The following PACRGL variants were observed in gnomAD, a reference collection of about 807,000 sequenced individuals.
The protein encoded by PACRGL is PACRG-like protein.
A neutral mutation model predicts 34.5 loss-of-function variants in PACRGL; 38 were observed. The observed-to-expected ratio is 1.10, with a 90% CI of 0.85 to 1.44. The LOEUF is 1.44. Ranked by LOEUF, PACRGL falls within the 40% of genes most tolerant of loss-of-function variation. The probability of loss-of-function intolerance (pLI) is 0.00; values close to 1 mark genes in which losing one functional copy is unlikely to be tolerated. For missense variants in PACRGL, 305 were observed against 281.4 expected (o/e 1.08, Z -0.60); for synonymous variants, 128 against 100.1 (o/e 1.28, Z -1.66).
intron 8 of PACRGL, among the ~76,000 whole-genome samples, chr4:20,746,739 G>A (rs993400871): frequency 3.3e-5 from 5 of 152,224 alleles, no homozygotes; most frequent in African/African-American, 1.2e-4. Context: ...CAGAGCCGCT[G>A]GGTGGCAAAA....
intron 8 of PACRGL, chr4:20,749,691 T>C (rs750337453): frequency 6.2e-7 from 1 of 1,609,912 alleles, no homozygotes; most frequent in South Asian, 1.1e-5. Flanking sequence ...TTGTGGTCTG[T>C]ATCAAATGCA....
chr4:20,736,544 T>A (rs1749673694), downstream of PACRGL, among the ~76,000 whole-genome samples: 2 of 152,204 alleles, frequency 1.3e-5, no homozygotes, highest in Non-Finnish European at 2.9e-5. Flanking sequence ...GCAAATGGAA[T>A]TAATTTTACC....
downstream of PACRGL, chr4:20,732,826 A>G (rs371853628): frequency 5.0e-6 from 6 of 1,197,250 alleles, no homozygotes; most frequent in Admixed American, 3.7e-5. Context: ...GCACACATGT[A>G]TGAAGAAACC....
chr4:20,767,083 G>A, the PACRGL span: 1 of 152,124 alleles, frequency 6.6e-6, no homozygotes, highest in East Asian at 1.9e-4. Flanking sequence ...AATAGTTTAG[G>A]ATTTGGTAAG....
chr4:20,705,539 C>T (rs1196634115), intron 3 of PACRGL, among the ~76,000 whole-genome samples: 3 of 152,116 alleles, frequency 2.0e-5, no homozygotes, highest in Non-Finnish European at 2.9e-5. Context: ...ATAGTTTGAG[C>T]GGCTATGTTC....
chr4:20,761,425 C>G, the PACRGL span, among the ~76,000 whole-genome samples: 2 of 152,210 alleles, frequency 1.3e-5, no homozygotes. Flanking sequence ...GACTATCTAT[C>G]TAGCTGACAC....
At chr4:20,747,312 T>G (rs1042188465) in intron 8 of PACRGL, among the ~76,000 whole-genome samples, 1 of 152,160 alleles carries the variant, frequency 6.6e-6, no homozygotes, top group Non-Finnish European at 1.5e-5. Context: ...GCCTTACTCA[T>G]CCTCTGGAAG....
chr4:20,734,315 A>T (rs146328948), downstream of PACRGL, among the ~76,000 whole-genome samples: 1 of 152,312 alleles, frequency 6.6e-6, no homozygotes, highest in East Asian at 1.9e-4. Flanking sequence ...GCTTCAGGCT[A>T]AATGTTGAAA....
downstream of PACRGL, among the ~76,000 whole-genome samples, chr4:20,753,277 T>G (rs1210499249): frequency 6.6e-6 from 1 of 152,158 alleles, no homozygotes; most frequent in Non-Finnish European, 1.5e-5. Flanking sequence ...ATACCATCTC[T>G]TAGAAATCGA....
Position 20,731,967 on chromosome 4 carries a change from G to A in PACRGL, c.*4626G>A. ...TGCTAATACTCAGTTTAGCTGTTAT[G>A]ATAGCTGAATTGATAGTTATTACAC... On this transcript the variant is annotated 3_prime_UTR_variant, in exon 9 of 9. Transcript: ENST00000503585. 1.2e-6 allele frequency: 2 copies of A among 1,610,610 alleles called. No individual in the cohort carries two copies. Among genetic ancestry groups the A allele is most frequent in the Admixed American group, 3.3e-5 (2 of 59,718 alleles).
intron 1 of PACRGL, among the ~76,000 whole-genome samples, chr4:20,701,352 G>T (rs1051251644): frequency 6.6e-6 from 1 of 152,138 alleles, no homozygotes; most frequent in Non-Finnish European, 1.5e-5. Context: ...GAATGTGTGG[G>T]CTTCATAGGG....
intron 8 of PACRGL, 78 bp downstream of exon 8, chr4:20,724,966 AC>A: frequency 1.3e-6 from 1 of 758,636 alleles, no homozygotes; most frequent in Non-Finnish European, 1.9e-6. Context: ...TATATATTTA[AC>A]ATATACTATC....
intron 4 of PACRGL, among the ~76,000 whole-genome samples, chr4:20,708,620 A>G (rs1735639237): frequency 6.6e-6 from 1 of 152,104 alleles, no homozygotes; most frequent in African/African-American, 2.4e-5. Flanking sequence ...CCCCTCCAAA[A>G]CTTATTGTTG....
downstream of PACRGL, among the ~76,000 whole-genome samples, chr4:20,736,219 C>T (rs1029923149): frequency 2.6e-5 from 4 of 152,138 alleles, no homozygotes; most frequent in African/African-American, 9.7e-5. Context: ...ATTTGTTTTA[C>T]TAGCTAACAG....
At chr4:20,734,640 G>A (rs778647977), downstream of PACRGL, 53 of 1,528,554 alleles carry the variant, frequency 3.5e-5, no homozygotes, top group African/African-American at 2.6e-4. Context: ...CTTTAGTGAT[G>A]TAGCCATCTT....
Position 20,729,633 on chromosome 4 carries a change from AGC to A in PACRGL, c.*2293_*2294del. 6.6e-6 allele frequency: 1 copy of A among 152,060 alleles called. No homozygotes were observed. The highest frequency in any genetic ancestry group is 2.4e-5 in the African/African-American group (1 of 41,174). 9.4% of individuals were successfully genotyped at this position (152,060 alleles called of 1,614,324 possible). Reference sequence around the variant, plus strand: ...ATAAATGGAATTTAAATGGAATTACAGCATTCAAACATGAAAATTAATTTAAT... The same window carrying A: ...ATAAATGGAATTTAAATGGAATTACAATTCAAACATGAAAATTAATTTAAT... On this transcript the variant is annotated 3_prime_UTR_variant, in exon 9 of 9. Transcript: ENST00000503585.
intron 8 of PACRGL, among the ~76,000 whole-genome samples, chr4:20,746,377 T>TGGG (rs376605800): frequency 2.7e-5 from 4 of 147,430 alleles, no homozygotes; most frequent in African/African-American, 1.0e-4. Flanking sequence ...TGTCGGAGGG[T>TGGG]GGGGGGCTAG....
At chr4:20,744,168 C>T (rs1751866570) in intron 8 of PACRGL, among the ~76,000 whole-genome samples, 1 of 152,162 alleles carries the variant, frequency 6.6e-6, no homozygotes, top group Non-Finnish European at 1.5e-5. Context: ...GTTGGTGGGA[C>T]TGTAAACTAG....
chr4:20,731,112 A>C lies in PACRGL; in HGVS notation c.*3771A>C, dbSNP rs1252638563. Among the ~76,000 whole-genome samples the C allele has an allele frequency of 6.6e-6, 1 of 152,124 alleles. No individual in the cohort carries two copies. Among genetic ancestry groups the C allele is most frequent in the Non-Finnish European group, 1.5e-5 (1 of 68,012 alleles). On this transcript the variant is annotated 3_prime_UTR_variant, in exon 9 of 9. Coordinates refer to ENST00000503585, the MANE Select transcript of PACRGL (RefSeq NM_001258345.3). ...TTTTTTTAGTTTTGAGGCAGAGTCT[A>C]TTTCTGTTGCCCATCATTCTGGAGT...
Sources: gnomAD v4.1 joint callset for allele counts (sites outside exome capture counted in the v4.1 genomes callset) on GRCh38, gnomAD v4.1.1 for gene constraint, MANE v1.5 for transcripts, NCBI Gene and HGNC (gene_info 2026-07-23, HGNC 2026-07-21) for gene names.